The following CPEB2 variants were observed in gnomAD, a reference collection of about 807,000 sequenced individuals.
The protein encoded by CPEB2 is cytoplasmic polyadenylation element-binding protein 2.
CPEB2 carries 56 observed loss-of-function variants against 93.6 expected under a neutral mutation model. The observed-to-expected ratio is 0.60, with a 90% CI of 0.48 to 0.75. The LOEUF is 0.75. Among genes scored for constraint, CPEB2 ranks in the 30% least tolerant of loss-of-function variants. CPEB2 has a pLI of 0.00. For synonymous variants in CPEB2, 764 were observed against 586.3 expected, an observed-to-expected ratio of 1.30 and a Z score of -4.38; for missense variants, 1,579 against 1,395.1, an observed-to-expected ratio of 1.13 and a Z score of -2.10.
At position 15,052,466 on chromosome 4, in the gene CPEB2, T is replaced by G. The variant is rs1260366595; in HGVS notation, c.2253T>G (p.Ser751Arg). 2.5e-6 allele frequency: 4 copies of G among 1,592,014 alleles called. No homozygotes were observed. In the Admixed American group the frequency reaches 5.1e-5, roughly 20 times the overall value. ...ATGGCTTGCTTGATGATGGTCACAG[T>G]GATCAAGTTGGAGTTTTAAATTCAC... Reference protein sequence around the residue: ...IDDGLLDDGHSDQVGVLNSPT... With the variant: ...IDDGLLDDGHRDQVGVLNSPT... The change falls in exon 7 of 12, where the codon AGT (serine) becomes AGG (arginine). Residue 751 changes from serine to arginine, a missense_variant. Physicochemically the swap from Ser to Arg is moderately radical, Grantham distance 110 (BLOSUM62 -1). Transcript: ENST00000538197.
In CPEB2 at chr4:15,062,250, T is replaced by C; in HGVS notation, c.2867T>C (p.Ile956Thr). Reference sequence around the variant, plus strand: ...TTTGTTCAGCTTCAGCATGGTGATATTGATAAACGTGTAAGTTGCATATTG... The same window carrying C: ...TTTGTTCAGCTTCAGCATGGTGATACTGATAAACGTGTAAGTTGCATATTG... ...ARFVQLQHGD[I>T]DKRVEVKPYV... Residue 956 changes from isoleucine (I) to threonine (T), a missense_variant, in exon 11 of 12, where the codon ATT becomes ACT. Ile to Thr is a moderately conservative substitution (Grantham distance 89, BLOSUM62 -1). Transcript: ENST00000538197. 1.2e-6 allele frequency: 2 copies of C among 1,608,312 alleles called. No homozygotes were observed. The highest frequency in any genetic ancestry group is 1.7e-6 in the Non-Finnish European group (2 of 1,176,136).
At chr4:15,048,667 A>ATGTC in intron 6 of CPEB2, among the ~76,000 whole-genome samples, 1 of 151,964 alleles carries the variant, frequency 6.6e-6, no homozygotes, top group Admixed American at 6.5e-5. Context: ...TGTTTTAAGC[A>ATGTC]TGTCTTGTTT....
At chr4:15,062,523 G>A (rs1242941533) in intron 11 of CPEB2, among the ~76,000 whole-genome samples, 1 of 151,950 alleles carries the variant, frequency 6.6e-6, no homozygotes, top group Non-Finnish European at 1.5e-5. Flanking sequence ...TATTCTAACC[G>A]TGGAGGCAGA....
At chr4:15,019,166 T>C (rs989892650) in intron 4 of CPEB2, among the ~76,000 whole-genome samples, 5 of 151,530 alleles carry the variant, frequency 3.3e-5, no homozygotes, top group South Asian at 2.1e-4. Context: ...CCACGTGTTT[T>C]ATGACGGAAT....
chr4:15,006,391 A>G (rs1165844539), intron 1 of CPEB2: 1 of 151,958 alleles, frequency 6.6e-6, no homozygotes, highest in Non-Finnish European at 1.5e-5. Flanking sequence ...ACTTACTGAC[A>G]GTAGAATTAC....
In CPEB2 at chr4:15,002,885, G is replaced by T. The variant is rs1386456657; in HGVS notation, c.212G>T (p.Gly71Val). ...TCCCCCTTCTCCGTCCCCCTCGGCG[G>T]CGGCGCGGGCAGCCCGGCCGCCGCC... ...AASPFSVPLGGGAGSPAAAAS... is the reference protein window; with the variant it reads ...AASPFSVPLGVGAGSPAAAAS... The change falls in exon 1 of 12, where the codon GGC becomes GTC. Residue 71 changes from glycine (G) to valine (V), a missense_variant. Physicochemically the swap from Gly to Val is moderately radical, Grantham distance 109. Coordinates refer to ENST00000538197, the MANE Select transcript of CPEB2 (RefSeq NM_001177382.2). The T allele has an allele frequency of 1.4e-5, 21 of 1,516,714 alleles. No individual in the cohort carries two copies. Among genetic ancestry groups the T allele is most frequent in the Middle Eastern group, 3.8e-4 (2 of 5,316 alleles). The allele number at this position is 1,516,714 out of a possible 1,614,324, so 94.0% of individuals were successfully genotyped here.
intron 6 of CPEB2, among the ~76,000 whole-genome samples, chr4:15,043,398 A>G (rs1320397096): frequency 1.3e-5 from 2 of 152,158 alleles, no homozygotes; most frequent in African/African-American, 2.4e-5. Context: ...GGTAGCCATA[A>G]AGAGTTCTAC....
intron 4 of CPEB2, among the ~76,000 whole-genome samples, chr4:15,028,763 C>T (rs1269390145): frequency 6.6e-6 from 1 of 151,814 alleles, no homozygotes; most frequent in Non-Finnish European, 1.5e-5. Context: ...TAGGAAGATC[C>T]TGAAAAGGGA....
Position 15,002,788 on chromosome 4 carries a change from C to G in CPEB2, c.115C>G (p.Leu39Val). ...GPYAVGSVNP[L>V]PSATPFGPLS... ...TTACGCCGTGGGGTCCGTCAACCCG[C>G]TGCCCTCCGCCACGCCCTTCGGCCC... The change falls in exon 1 of 12, where the codon CTG becomes GTG. Residue 39 changes from leucine to valine, a missense_variant. Physicochemically the swap from Leu to Val is conservative, Grantham distance 32 (BLOSUM62 1). Coordinates refer to ENST00000538197, the MANE Select transcript of CPEB2 (RefSeq NM_001177382.2). 1 of 1,535,610 alleles carries G rather than the reference C, an allele frequency of 6.5e-7. No individual in the cohort carries two copies. Among genetic ancestry groups the G allele is most frequent in the Non-Finnish European group, 8.7e-7 (1 of 1,146,686 alleles).
At chr4:15,008,701 A>G (rs1208411312) in intron 3 of CPEB2, among the ~76,000 whole-genome samples, 1 of 152,214 alleles carries the variant, frequency 6.6e-6, no homozygotes, top group Non-Finnish European at 1.5e-5. Context: ...CTGACTTTAA[A>G]CATCAGTCAA....
intron 5 of CPEB2, among the ~76,000 whole-genome samples, chr4:15,034,130 A>G (rs1201613604): frequency 6.6e-6 from 1 of 152,194 alleles, no homozygotes; most frequent in Admixed American, 6.5e-5. Context: ...TCAATGAGAA[A>G]AATTGAAGAA....
At chr4:15,040,825 T>A (rs1290301334) in intron 6 of CPEB2, among the ~76,000 whole-genome samples, 1 of 152,178 alleles carries the variant, frequency 6.6e-6, no homozygotes, top group African/African-American at 2.4e-5. Flanking sequence ...GAAGTATGAT[T>A]TTTCTGCTCT....
rs1212333169 is a variant in CPEB2 at position 15,004,098 on chromosome 4, G to A, written c.1425G>A (p.Gly475=). Residue 475 remains glycine (G), a synonymous_variant, in exon 1 of 12, where the codon GGG becomes GGA. Transcript: ENST00000538197. ...FSPVSPHGCT[G]LSVPTSGGGG... The stretch of plus-strand genomic sequence containing the variant: ...CCGTGTCGCCGCACGGCTGCACTGG[G>A]CTCAGCGTTCCGACGAGCGGCGGCG... The A allele has an allele frequency of 1.9e-6, 3 of 1,560,178 alleles. No individual in the cohort carries two copies. Among genetic ancestry groups the A allele is most frequent in the East Asian group, 2.6e-5 (1 of 38,218 alleles).
intron 1 of CPEB2, among the ~76,000 whole-genome samples, chr4:15,004,619 C>A (rs1039208430): frequency 5.5e-4 from 83 of 152,062 alleles, no homozygotes; most frequent in Middle Eastern, 6.8e-3. Context: ...TCGAACGTCC[C>A]GGCGCAGCAG....
chr4:15,003,060 G>A lies in CPEB2; in HGVS notation c.387G>A (p.Ala129=), dbSNP rs1347727724. The change falls in exon 1 of 12, where the codon GCG becomes GCA. Residue 129 remains alanine, a synonymous_variant. Coordinates refer to ENST00000538197, the MANE Select transcript of CPEB2 (RefSeq NM_001177382.2). ...ACCACCCCGGCGGCGGCACGATCGC[G>A]GGTGTGACCCACCTCCTCCCCTCCC... ...PDHHPGGGTI[A]GVTHLLPSQD... is the part of the protein sequence containing the mutation. 11 of 1,521,050 alleles carry A rather than the reference G, an allele frequency of 7.2e-6. No homozygotes were observed. The highest frequency in any genetic ancestry group is 8.8e-6 in the Non-Finnish European group (10 of 1,142,358). The allele number at this position is 1,521,050 out of a possible 1,614,324, so 94.2% of individuals were successfully genotyped here. A position where few individuals can be genotyped will look rare whatever the true frequency, so the allele number is the denominator to read the frequency against.
chr4:15,066,525 A>AAAAC lies in CPEB2; in HGVS notation c.*147_*150dup. ...AATACATGCATCTTTATCAGCAGCC[A>AAAAC]AAACACTACAAGCCTCTTGTTTTTC... is the stretch of plus-strand genomic sequence containing the variant. On this transcript the variant is annotated 3_prime_UTR_variant, in exon 12 of 12. Coordinates refer to ENST00000538197, the MANE Select transcript of CPEB2 (RefSeq NM_001177382.2). 1 of 619,608 alleles carries AAAAC rather than the reference A, an allele frequency of 1.6e-6. No individual in the cohort carries two copies. The highest frequency in any genetic ancestry group is 2.8e-6 in the Non-Finnish European group (1 of 351,232). The allele number at this position is 619,608 out of a possible 1,614,324, so 38.4% of individuals were successfully genotyped here.
At chr4:15,065,699 A>G (rs1347212929) in intron 11 of CPEB2, among the ~76,000 whole-genome samples, 1 of 152,100 alleles carries the variant, frequency 6.6e-6, no homozygotes, top group Non-Finnish European at 1.5e-5. Flanking sequence ...GATTCTCCAC[A>G]GTTCTGGCTT....
chr4:15,040,558 A>T lies in CPEB2; in HGVS notation c.2200+71A>T, dbSNP rs1035540864. 21 of 1,338,736 alleles carry T rather than the reference A, an allele frequency of 1.6e-5. No homozygotes were observed. The Admixed American group carries it at 4.3e-4, about 28-fold the overall frequency. 82.9% of individuals were successfully genotyped at this position (1,338,736 alleles called of 1,614,324 possible). A position where few individuals can be genotyped will look rare whatever the true frequency, so the allele number is the denominator to read the frequency against. The stretch of plus-strand genomic sequence containing the variant: ...TTACTGATCAATGTTGTAATTAATT[A>T]CTCTAGATTTTTCATGCAATATCTG... On this transcript the variant is annotated intron_variant, in intron 6 of 11. Transcript: ENST00000538197.
chr4:15,055,141 T>C (rs1356019305), intron 8 of CPEB2, among the ~76,000 whole-genome samples: 1 of 152,190 alleles, frequency 6.6e-6, no homozygotes, highest in Admixed American at 6.5e-5. Context: ...CTTTCTGCCA[T>C]TGAGAATTAT....
Sources: gnomAD v4.1 joint callset for allele counts (sites outside exome capture counted in the v4.1 genomes callset) on GRCh38, gnomAD v4.1.1 for gene constraint, MANE v1.5 for transcripts, NCBI Gene and HGNC (gene_info 2026-07-23, HGNC 2026-07-21) for gene names.